The following ZKSCAN5 variants were observed in gnomAD, a reference collection of about 807,000 sequenced individuals.
ZKSCAN5 encodes zinc finger with KRAB and SCAN domains 5, also known as zinc finger protein with KRAB and SCAN domains 5.
In ZKSCAN5, 28 loss-of-function variants were observed where a neutral mutation model predicts 60.0. That is an observed-to-expected ratio of 0.47 (90% CI 0.35 to 0.64). The LOEUF (loss-of-function observed/expected upper bound fraction) is 0.64, where lower values mean the gene tolerates loss of function less well. Ranked by LOEUF, ZKSCAN5 falls within the 30% of genes least tolerant of loss-of-function variation. The pLI is 0.01. For synonymous variants in ZKSCAN5, 361 were observed against 371.2 expected, an observed-to-expected ratio of 0.97 and a Z score of 0.31; for missense variants, 881 against 1,034.6, an observed-to-expected ratio of 0.85 and a Z score of 2.04.
At chr7:99,509,065 T>G (rs1800901596) in intron 2 of ZKSCAN5, among the ~76,000 whole-genome samples, 1 of 152,148 alleles carries the variant, frequency 6.6e-6, no homozygotes, top group African/African-American at 2.4e-5. Flanking sequence ...CTTGTCTCAC[T>G]GCAACCTCAG....
At chr7:99,518,324 G>A (rs752060788) in intron 3 of ZKSCAN5, among the ~76,000 whole-genome samples, 9 of 151,900 alleles carry the variant, frequency 5.9e-5, no homozygotes, top group African/African-American at 9.7e-5. Flanking sequence ...GGGAGGCTGA[G>A]GCAGGAGAAT....
chr7:99,508,698 G>A (rs1408999487), intron 2 of ZKSCAN5, among the ~76,000 whole-genome samples: 4 of 150,038 alleles, frequency 2.7e-5, no homozygotes, highest in African/African-American at 4.9e-5. Flanking sequence ...GCAGTGAGCC[G>A]AGATTGCGCC....
chr7:99,533,146 T>G lies in ZKSCAN5; in HGVS notation c.*897T>G, dbSNP rs754407318. 38 of 496,390 alleles carry G rather than the reference T, an allele frequency of 7.7e-5. No homozygotes were observed. The highest frequency in any genetic ancestry group is 6.2e-4 in the South Asian group (38 of 61,362). The allele number at this position is 496,390 out of a possible 1,614,324, so 30.7% of individuals were successfully genotyped here. Reference sequence around the variant, plus strand: ...ATTACGAGTCCTGGTCCCAGCAGTATGTGTGCTGACTTCTGGGTGCCCCAG... The same window carrying G: ...ATTACGAGTCCTGGTCCCAGCAGTAGGTGTGCTGACTTCTGGGTGCCCCAG... On this transcript the variant is annotated 3_prime_UTR_variant, in exon 7 of 7. Transcript: ENST00000326775.
In ZKSCAN5 at chr7:99,533,467, T is replaced by G; in HGVS notation, c.*1218T>G. ...AAATATTTGTTGACCATATGTGTTG[T>G]ACACTGTGGTGCCCTGTCCAGTCCC... On this transcript the variant is annotated 3_prime_UTR_variant, in exon 7 of 7. Transcript: ENST00000326775. 2.0e-6 allele frequency: 1 copy of G among 506,140 alleles called. No homozygotes were observed. Among genetic ancestry groups the G allele is most frequent in the South Asian group, 3.3e-5 (1 of 30,312 alleles). 31.4% of individuals were successfully genotyped at this position (506,140 alleles called of 1,614,324 possible).
At position 99,526,380 on chromosome 7, in the gene ZKSCAN5, A is replaced by C; in HGVS notation, c.1340A>C (p.Glu447Ala). 1.2e-6 allele frequency: 2 copies of C among 1,601,998 alleles called. No individual in the cohort carries two copies. The highest frequency in any genetic ancestry group is 1.7e-6 in the Non-Finnish European group (2 of 1,179,928). Residue 447 changes from glutamate (E) to alanine (A), a missense_variant, in exon 6 of 7, where the codon GAA (glutamate) becomes GCA (alanine). Glu to Ala is a moderately radical substitution (Grantham distance 107). Coordinates refer to ENST00000326775, the MANE Select transcript of ZKSCAN5 (RefSeq NM_145102.4). ...TTCGGTCGCCATTCGCATCTGATCG[A>C]ACACCTAAAACGCCACTTCAGGGAG... ...KNFGRHSHLIEHLKRHFREKS... is the reference protein window; with the variant it reads ...KNFGRHSHLIAHLKRHFREKS...
In ZKSCAN5 at chr7:99,533,611, A is replaced by G; in HGVS notation, c.*1362A>G. 2.5e-6 allele frequency: 1 copy of G among 406,720 alleles called. No individual in the cohort carries two copies. The highest frequency in any genetic ancestry group is 4.2e-5 in the Admixed American group (1 of 23,678). The allele number at this position is 406,720 out of a possible 1,614,324, so 25.2% of individuals were successfully genotyped here. A position where few individuals can be genotyped will look rare whatever the true frequency, so the allele number is the denominator to read the frequency against. On this transcript the variant is annotated 3_prime_UTR_variant, in exon 7 of 7. Coordinates refer to ENST00000326775, the MANE Select transcript of ZKSCAN5 (RefSeq NM_145102.4). ...CAGGAGATGAGAGCCATCTCACCTC[A>G]CCCAGGAGTCACTTCCTCTCTACAC...
intron 2 of ZKSCAN5, among the ~76,000 whole-genome samples, chr7:99,507,462 CGTATATATGT>C (rs200168753): frequency 0.031 from 4,100 of 133,848 alleles, 76 homozygotes; most frequent in African/African-American, 0.038. Flanking sequence ...TATATATATG[CGTATATATGT>C]GTATATATGT....
Position 99,506,204 on chromosome 7 carries a change from A to C in ZKSCAN5, c.160A>C (p.Arg54=). ...PTFETFYQRF[R]HFQYHEASGP... is the part of the protein sequence containing the mutation. ...GTTTGAGACTTTTTACCAGCGCTTC[A>C]GGCACTTCCAGTACCATGAGGCTTC... Residue 54 remains arginine, a synonymous_variant, in exon 2 of 7, where the codon AGG becomes CGG. Coordinates refer to ENST00000326775, the MANE Select transcript of ZKSCAN5 (RefSeq NM_145102.4). 6.2e-7 allele frequency: 1 copy of C among 1,614,214 alleles called. No homozygotes were observed. Among genetic ancestry groups the C allele is most frequent in the Non-Finnish European group, 8.5e-7 (1 of 1,180,042 alleles).
chr7:99,525,914 C>T lies in ZKSCAN5; in HGVS notation c.874C>T (p.Gln292Ter). ...AGAACACACCGAAAGGAGCGTTCCT[C>T]AGGATCCAGACTTTGCAGAAGTCAG... The part of the protein sequence containing the change: ...APEHTERSVP[Q>*]DPDFAEVSDL... Residue 292 changes from glutamine to a stop codon, truncating the protein, a stop_gained, in exon 6 of 7, where the codon CAG becomes TAG. Transcript: ENST00000326775. LOFTEE classifies it high-confidence loss of function. 6.2e-7 allele frequency: 1 copy of T among 1,614,076 alleles called. No individual in the cohort carries two copies. Among genetic ancestry groups the T allele is most frequent in the Non-Finnish European group, 8.5e-7 (1 of 1,180,040 alleles).
Position 99,531,252 on chromosome 7 carries a change from G to A in ZKSCAN5, c.1523G>A (p.Gly508Asp), listed in dbSNP as rs1326575590. The A allele has an allele frequency of 6.2e-7, 1 of 1,614,004 alleles. No homozygotes were observed. Among genetic ancestry groups the A allele is most frequent in the South Asian group, 1.1e-5 (1 of 91,082 alleles). Residue 508 changes from glycine to aspartate, a missense_variant, in exon 7 of 7, where the codon GGC (glycine) becomes GAC (aspartate). This residue lies in a region of ZKSCAN5 where 490 missense variants were observed against 554.5 expected (regional missense o/e 0.88). Transcript: ENST00000326775. ...TTTGGAGAAGGCTGTGAGTTTCAAG[G>A]CAAGCTGGATAGAAAGCAGGGAATT... is the stretch of plus-strand genomic sequence containing the variant. ...QDFGEGCEFQ[G>D]KLDRKQGIPM...
intron 2 of ZKSCAN5, among the ~76,000 whole-genome samples, chr7:99,508,754 A>AT (rs948274063): frequency 1.3e-5 from 2 of 151,240 alleles, no homozygotes; most frequent in Non-Finnish European, 3.0e-5. Context: ...CATCTCAAAA[A>AT]AAAAAAAAAA....
At chr7:99,522,959 G>A (rs1308457191) in intron 5 of ZKSCAN5, among the ~76,000 whole-genome samples, 1 of 148,786 alleles carries the variant, frequency 6.7e-6, no homozygotes, top group African/African-American at 2.5e-5. Flanking sequence ...GAGGCCAGGA[G>A]TTTGAGACCA....
intron 3 of ZKSCAN5, among the ~76,000 whole-genome samples, chr7:99,516,423 C>G (rs985915499): frequency 2.0e-5 from 3 of 152,166 alleles, no homozygotes; most frequent in African/African-American, 7.2e-5. Context: ...CTGCTTTTGG[C>G]TTTCATCTGT....
chr7:99,532,437 C>A lies in ZKSCAN5; in HGVS notation c.*188C>A. On this transcript the variant is annotated 3_prime_UTR_variant, in exon 7 of 7. Transcript: ENST00000326775. Reference sequence around the variant, plus strand: ...ATAATAGAAATCTTTTCGTGTTCCCCATTGAGAAATGCTTTAGTTAGCATC... The same window carrying A: ...ATAATAGAAATCTTTTCGTGTTCCCAATTGAGAAATGCTTTAGTTAGCATC... The A allele has an allele frequency of 2.1e-6, 1 of 482,648 alleles. No homozygotes were observed. The allele number at this position is 482,648 out of a possible 1,614,324, so 29.9% of individuals were successfully genotyped here.
At chr7:99,523,036 G>A (rs1321729145) in intron 5 of ZKSCAN5, among the ~76,000 whole-genome samples, 1 of 150,800 alleles carries the variant, frequency 6.6e-6, no homozygotes, top group Non-Finnish European at 1.5e-5. Flanking sequence ...ATGGTGGCAC[G>A]CATCTGTACT....
chr7:99,512,154 C>T (rs1479006182), intron 2 of ZKSCAN5, among the ~76,000 whole-genome samples: 2 of 152,140 alleles, frequency 1.3e-5, no homozygotes, highest in East Asian at 1.9e-4. Flanking sequence ...CTTCCCTGGC[C>T]TCCCAGTCTA....
chr7:99,519,058 C>G (rs1202621338), intron 3 of ZKSCAN5, among the ~76,000 whole-genome samples: 1 of 150,514 alleles, frequency 6.6e-6, no homozygotes, highest in Non-Finnish European at 1.5e-5. Flanking sequence ...TCACTGTAAC[C>G]TCCACCTCCC....
Position 99,534,675 on chromosome 7 carries a change from A to T in ZKSCAN5, c.*2426A>T, listed in dbSNP as rs1198301591. 4 of 10,582 alleles carry T rather than the reference A, an allele frequency of 3.8e-4. No homozygotes were observed. The highest frequency in any genetic ancestry group is 0.062 in the East Asian group (1 of 16). The allele number at this position is 10,582 out of a possible 1,614,324, so 0.7% of individuals were successfully genotyped here. On this transcript the variant is annotated 3_prime_UTR_variant, in exon 7 of 7. Transcript: ENST00000326775. ...CCCAGTTGACAGAGCGACAGTGTCT[A>T]AAAAAAAAAAAAAAAAAAAAAAAAA...
At position 99,531,440 on chromosome 7, in the gene ZKSCAN5, C is replaced by T; in HGVS notation, c.1711C>T (p.His571Tyr). Residue 571 changes from histidine to tyrosine, a missense_variant, in exon 7 of 7, where the codon CAC becomes TAC. By Grantham distance (83) the His-to-Tyr change is moderately conservative. Around this residue, in one of 5 missense-constraint regions of ZKSCAN5, gnomAD observed 490 missense variants for 554.5 expected, o/e 0.88. Coordinates refer to ENST00000326775, the MANE Select transcript of ZKSCAN5 (RefSeq NM_145102.4). ...SAHLIQHQRI[H>Y]TGEKPFRCEE... ...ACATCTTATTCAACATCAAAGAATA[C>T]ACACTGGGGAGAAACCATTCAGGTG... 6.2e-7 allele frequency: 1 copy of T among 1,614,158 alleles called. No homozygotes were observed. The highest frequency in any genetic ancestry group is 8.5e-7 in the Non-Finnish European group (1 of 1,180,020).
Sources: gnomAD v4.1 joint callset for allele counts (sites outside exome capture counted in the v4.1 genomes callset) on GRCh38, gnomAD v4.1.1 for gene constraint, gnomAD v4.1.1 regional missense constraint, MANE v1.5 for transcripts, NCBI Gene and HGNC (gene_info 2026-07-23, HGNC 2026-07-21) for gene names.